DACH2: variants seen among roughly 807,000 people sequenced by gnomAD.
The protein encoded by DACH2 is dachshund homolog 2.
In DACH2, 17 loss-of-function variants were observed where a neutral mutation model predicts 35.8. The observed-to-expected ratio is 0.48, with a 90% confidence interval of 0.33 to 0.71. The LOEUF (loss-of-function observed/expected upper bound fraction) is 0.71, where lower values mean the gene tolerates loss of function less well. Among genes scored for constraint, DACH2 ranks in the 30% least tolerant of loss-of-function variants. DACH2 has a pLI of 0.02. For synonymous variants in DACH2, 195 were observed against 177.3 expected (o/e 1.10, Z -0.79); for missense variants, 469 against 472.7 (o/e 0.99, Z 0.07).
At chrX:86,398,366 G>C (rs1225976865) in intron 2 of DACH2, among the ~76,000 whole-genome samples, 1 of 112,075 alleles carries the variant, frequency 8.9e-6, no homozygotes, top group African/African-American at 3.2e-5. Flanking sequence ...TTTTTTGAAG[G>C]GTTTTTTTGT....
intron 1 of DACH2, among the ~76,000 whole-genome samples, chrX:86,252,826 G>A (rs765257218): frequency 5.8e-4 from 64 of 110,936 alleles, no homozygotes; most frequent in Non-Finnish European, 1.0e-3. Flanking sequence ...GGCTATGTGA[G>A]CTCTTTTTTG....
intron 3 of DACH2, among the ~76,000 whole-genome samples, chrX:86,601,310 A>G (rs368838099): frequency 6.2e-5 from 7 of 112,127 alleles, no homozygotes; most frequent in African/African-American, 1.9e-4. Flanking sequence ...ACAAATATAG[A>G]AACTTTCAGA....
chrX:86,465,702 T>C (rs2037654262), intron 2 of DACH2, among the ~76,000 whole-genome samples: 1 of 111,970 alleles, frequency 8.9e-6, no homozygotes, highest in Non-Finnish European at 1.9e-5. Context: ...TTTTTAATGC[T>C]TTTTCAAAAT....
At chrX:86,472,604 C>T (rs2037777544) in intron 2 of DACH2, among the ~76,000 whole-genome samples, 1 of 112,031 alleles carries the variant, frequency 8.9e-6, no homozygotes, top group African/African-American at 3.2e-5. Context: ...ATCCCCACTA[C>T]ACTGCATTTC....
chrX:86,706,261 A>G (rs2041215193), intron 5 of DACH2, among the ~76,000 whole-genome samples: 1 of 111,444 alleles, frequency 9.0e-6, no homozygotes, highest in Admixed American at 9.6e-5. Flanking sequence ...GAAAAATAAC[A>G]AGAAAAAGTA....
chrX:86,157,853 A>C (rs1396210464), intron 1 of DACH2, among the ~76,000 whole-genome samples: 1 of 111,216 alleles, frequency 9.0e-6, no homozygotes, highest in Non-Finnish European at 1.9e-5. Context: ...TATGTATGTT[A>C]TGTATACATT....
intron 1 of DACH2, among the ~76,000 whole-genome samples, chrX:86,172,530 A>G: frequency 8.9e-6 from 1 of 112,215 alleles, no homozygotes; most frequent in Non-Finnish European, 1.9e-5. Flanking sequence ...ATGGAAATGT[A>G]GGCAAGTAAA....
chrX:86,595,263 G>A (rs1439335252), intron 3 of DACH2, among the ~76,000 whole-genome samples: 2 of 110,708 alleles, frequency 1.8e-5, no homozygotes, highest in Non-Finnish European at 3.8e-5. Flanking sequence ...GCATCATCCT[G>A]TCTGGATAAT....
At position 86,818,981 on chromosome X, in the gene DACH2, T is replaced by C. The variant is rs749975711; in HGVS notation, c.1750+2882T>C. 3.7e-5 allele frequency among the ~76,000 whole-genome samples: 4 copies of C among 107,470 alleles called. No individual in the cohort carries two copies. In the East Asian group the frequency reaches 1.1e-3, roughly 31 times the overall value. 93.3% of individuals were successfully genotyped at this position (107,470 alleles called of 115,157 possible). The stretch of plus-strand genomic sequence containing the variant: ...GCACATGTACCAGAAATCTTATATA[T>C]ATAAGATTTTATATATATTTACTAT... On this transcript the variant is annotated intron_variant, in intron 11 of 11. Coordinates refer to ENST00000373125, the MANE Select transcript of DACH2 (RefSeq NM_053281.3).
intron 5 of DACH2, among the ~76,000 whole-genome samples, chrX:86,705,360 G>T (rs1326976617): frequency 1.4e-4 from 15 of 109,647 alleles, no homozygotes; most frequent in African/African-American, 5.0e-4. Flanking sequence ...TGGATGATGG[G>T]TGCAACAAAA....
intron 3 of DACH2, among the ~76,000 whole-genome samples, chrX:86,584,838 A>G (rs932588898): frequency 1.8e-5 from 2 of 111,128 alleles, no homozygotes; most frequent in African/African-American, 3.3e-5. Flanking sequence ...CCCGGTGTCT[A>G]TTGTTCCCAT....
intron 1 of DACH2, among the ~76,000 whole-genome samples, chrX:86,255,462 G>A (rs1178374149): frequency 9.0e-6 from 1 of 111,613 alleles, no homozygotes; most frequent in Non-Finnish European, 1.9e-5. Context: ...GTTAGAAGAA[G>A]GTGCAGTGTG....
chrX:86,523,166 A>G (rs2148279732), intron 3 of DACH2, among the ~76,000 whole-genome samples: 1 of 112,014 alleles, frequency 8.9e-6, no homozygotes, highest in South Asian at 3.7e-4. Flanking sequence ...GTCTTCAGGT[A>G]ACTAAGCCCA....
intron 2 of DACH2, among the ~76,000 whole-genome samples, chrX:86,409,551 C>T (rs1304721732): frequency 2.7e-5 from 3 of 110,855 alleles, no homozygotes; most frequent in African/African-American, 9.8e-5. Flanking sequence ...CCCCTTCTCT[C>T]TCCTGCTCCT....
In DACH2 at chrX:86,434,847, G is replaced by C. The variant is rs186545498; in HGVS notation, c.527+57985G>C. On this transcript the variant is annotated intron_variant, in intron 2 of 11. Coordinates refer to ENST00000373125, the MANE Select transcript of DACH2 (RefSeq NM_053281.3). ...TGACATCTGCTCAGCTTTTGGGAAG[G>C]CCTCAGGAAGCTTATAATCATGGCG... Among the ~76,000 whole-genome samples the C allele has an allele frequency of 5.6e-4, 62 of 111,641 alleles. No homozygotes were observed. The East Asian group carries it at 0.015, about 27-fold the overall frequency.
At chrX:86,500,300 A>C (rs776779179) in intron 2 of DACH2, among the ~76,000 whole-genome samples, 1 of 111,660 alleles carries the variant, frequency 9.0e-6, no homozygotes, top group South Asian at 3.8e-4. Flanking sequence ...AACCTTAATC[A>C]GTGCATTTCA....
chrX:86,289,693 T>G (rs1434929991), intron 1 of DACH2, among the ~76,000 whole-genome samples: 1 of 106,639 alleles, frequency 9.4e-6, no homozygotes, highest in Non-Finnish European at 1.9e-5. Flanking sequence ...CTTCTTGCGA[T>G]AGTTTACTGA....
chrX:86,482,147 T>A (rs2037946504), intron 2 of DACH2, among the ~76,000 whole-genome samples: 1 of 111,748 alleles, frequency 8.9e-6, no homozygotes, highest in South Asian at 3.7e-4. Flanking sequence ...GAGAGTAAAT[T>A]TCAAATATTC....
intron 1 of DACH2, among the ~76,000 whole-genome samples, chrX:86,303,671 C>G (rs1462763682): frequency 9.1e-6 from 1 of 109,847 alleles, no homozygotes; most frequent in African/African-American, 3.3e-5. Context: ...ATTCATTTAA[C>G]AAAAGCAATC....
Sources: allele counts gnomAD v4.1 joint callset (sites outside exome capture counted in the v4.1 genomes callset), GRCh38; gene constraint gnomAD v4.1.1; transcripts MANE v1.5; gene names NCBI Gene and HGNC (gene_info 2026-07-23, HGNC 2026-07-21).